RTL4: variants seen among roughly 807,000 people sequenced by gnomAD.
RTL4 encodes the protein retrotransposon Gag like 4.
RTL4 carries 4 observed loss-of-function variants against 5.3 expected under a neutral mutation model. That is an observed-to-expected ratio of 0.75 (90% CI 0.37 to 1.72). The LOEUF (loss-of-function observed/expected upper bound fraction) is 1.72. RTL4 is among the 40% of genes most tolerant of loss of function. The probability of loss-of-function intolerance (pLI) is 0.04; values close to 1 mark genes in which losing one functional copy is unlikely to be tolerated. For missense variants in RTL4, 260 were observed against 227.1 expected, an observed-to-expected ratio of 1.14 and a Z score of -0.93; for synonymous variants, 98 against 87.3, an observed-to-expected ratio of 1.12 and a Z score of -0.68.
chrX:112,434,139 A>G, the RTL4 span, among the ~76,000 whole-genome samples: 2 of 104,501 alleles, frequency 1.9e-5, no homozygotes, highest in African/African-American at 7.0e-5. Context: ...GTTTGCCAGT[A>G]TTTTATTGAG....
chrX:112,227,567 A>G, the RTL4 span, among the ~76,000 whole-genome samples: 1 of 111,732 alleles, frequency 8.9e-6, no homozygotes, highest in African/African-American at 3.3e-5. Context: ...ATGTAACTTC[A>G]TGGTGTCTAA....
chrX:112,205,552 A>G, the RTL4 span, among the ~76,000 whole-genome samples: 4 of 111,311 alleles, frequency 3.6e-5, no homozygotes, highest in Non-Finnish European at 7.5e-5. Flanking sequence ...CATTTCCCAA[A>G]TGTGCAGTGT....
At chrX:112,431,751 T>C in the RTL4 span, among the ~76,000 whole-genome samples, 1 of 110,044 alleles carries the variant, frequency 9.1e-6, no homozygotes, top group Non-Finnish European at 1.9e-5. Context: ...TTATTGTATG[T>C]TAAGTTTTAG....
At chrX:112,367,954 T>C in the RTL4 span, among the ~76,000 whole-genome samples, 1 of 112,052 alleles carries the variant, frequency 8.9e-6, no homozygotes. Context: ...AAAAATAATT[T>C]GGCATGATGG....
the RTL4 span, among the ~76,000 whole-genome samples, chrX:112,185,789 A>T: frequency 2.7e-5 from 3 of 110,259 alleles, no homozygotes; most frequent in African/African-American, 9.9e-5. Context: ...GGAGATAATA[A>T]TGGTACCTAT....
chrX:112,280,996 T>C, the RTL4 span, among the ~76,000 whole-genome samples: 1 of 111,607 alleles, frequency 9.0e-6, no homozygotes, highest in Non-Finnish European at 1.9e-5. Flanking sequence ...TCTCATCTTT[T>C]GTGGTGAGAA....
chrX:112,358,275 A>ATTT, the RTL4 span, among the ~76,000 whole-genome samples: 4 of 93,022 alleles, frequency 4.3e-5, no homozygotes, highest in Admixed American at 2.4e-4. Context: ...TAACTTATGC[A>ATTT]TTTTTTTTTT....
chrX:112,262,266 A>G, the RTL4 span, among the ~76,000 whole-genome samples: 2 of 111,061 alleles, frequency 1.8e-5, no homozygotes, highest in Admixed American at 9.6e-5. Flanking sequence ...AACCTACAGA[A>G]TGGGAGAAAA....
At chrX:112,387,312 C>G in the RTL4 span, among the ~76,000 whole-genome samples, 1 of 106,575 alleles carries the variant, frequency 9.4e-6, no homozygotes, top group Non-Finnish European at 1.9e-5. Flanking sequence ...GCTGACTGTT[C>G]TTTTTGCTGT....
At chrX:112,211,906 C>T in the RTL4 span, among the ~76,000 whole-genome samples, 287 of 111,837 alleles carry the variant, frequency 2.6e-3, 1 homozygote, top group African/African-American at 8.6e-3. Context: ...GGAATTGCTA[C>T]GGAAGAAACA....
the RTL4 span, among the ~76,000 whole-genome samples, chrX:112,179,569 TG>T: frequency 8.9e-6 from 1 of 111,734 alleles, no homozygotes; most frequent in Non-Finnish European, 1.9e-5. Flanking sequence ...TAGATAAATG[TG>T]GGCTTGAGGC....
chrX:112,411,532 C>A, the RTL4 span, among the ~76,000 whole-genome samples: 1 of 111,025 alleles, frequency 9.0e-6, no homozygotes, highest in Non-Finnish European at 1.9e-5. Flanking sequence ...ATCTCAGGAA[C>A]ACAAGGATGG....
the RTL4 span, among the ~76,000 whole-genome samples, chrX:112,241,464 A>C: frequency 5.4e-5 from 6 of 111,682 alleles, no homozygotes; most frequent in African/African-American, 2.0e-4. Flanking sequence ...CATTTTTTTC[A>C]TGTGTCTGTT....
At chrX:112,270,671 G>A in the RTL4 span, among the ~76,000 whole-genome samples, 1 of 111,079 alleles carries the variant, frequency 9.0e-6, no homozygotes, top group Non-Finnish European at 1.9e-5. Flanking sequence ...AGACAGCCCT[G>A]TGGCAATCAC....
chrX:112,425,450 G>A, the RTL4 span, among the ~76,000 whole-genome samples: 1 of 111,175 alleles, frequency 9.0e-6, no homozygotes, highest in Non-Finnish European at 1.9e-5. Flanking sequence ...ACCAAGGAGT[G>A]TAATTGCTGG....
the RTL4 span, among the ~76,000 whole-genome samples, chrX:112,084,186 T>A: frequency 9.0e-6 from 1 of 111,044 alleles, no homozygotes; most frequent in Non-Finnish European, 1.9e-5. Flanking sequence ...CCTGTGAAGC[T>A]GGTAGTAGCT....
At chrX:112,181,545 A>G in the RTL4 span, among the ~76,000 whole-genome samples, 1 of 111,648 alleles carries the variant, frequency 9.0e-6, no homozygotes. Flanking sequence ...TTCTCCTCAC[A>G]GTGTAAACAA....
the RTL4 span, among the ~76,000 whole-genome samples, chrX:112,347,234 AT>A: frequency 3.0e-3 from 333 of 110,661 alleles, 4 homozygotes; most frequent in African/African-American, 0.01. Flanking sequence ...AAACTCAACA[AT>A]TTTTTTTTCT....
chrX:112,411,518 G>A, the RTL4 span, among the ~76,000 whole-genome samples: 5 of 111,015 alleles, frequency 4.5e-5, no homozygotes, highest in Non-Finnish European at 9.5e-5. Context: ...ACCAAGTGGG[G>A]TTTATCTCAG....
Sources: allele counts gnomAD v4.1 joint callset (sites outside exome capture counted in the v4.1 genomes callset), GRCh38; gene constraint gnomAD v4.1.1; transcripts MANE v1.5; gene names NCBI Gene and HGNC (gene_info 2026-07-23, HGNC 2026-07-21).